Variants in CSMD1 observed in about 807,000 individuals in gnomAD.
CSMD1 encodes the protein CUB and Sushi multiple domains 1.
CSMD1 carries 213 observed loss-of-function variants against 417.5 expected under a neutral mutation model. The ratio of observed to expected loss-of-function variants is 0.51; its 90% CI spans 0.46 to 0.57. CSMD1 has a LOEUF of 0.57. Ranked by LOEUF, CSMD1 falls within the 20% of genes least tolerant of loss-of-function variation. The pLI is 0.00. For synonymous variants in CSMD1, 2,862 were observed against 1,736.8 expected, an observed-to-expected ratio of 1.65 and a Z score of -16.11; for missense variants, 6,923 against 4,529.7, an observed-to-expected ratio of 1.53 and a Z score of -15.17.
At chr8:3,712,781 G>T (rs1238362379) in intron 6 of CSMD1, among the ~76,000 whole-genome samples, 1 of 152,128 alleles carries the variant, frequency 6.6e-6, no homozygotes, top group Non-Finnish European at 1.5e-5. Flanking sequence ...TGTCTGTTGG[G>T]TAAGGTGATT....
intron 15 of CSMD1, among the ~76,000 whole-genome samples, chr8:3,403,623 G>A (rs1031336408): frequency 2.6e-5 from 4 of 152,162 alleles, no homozygotes; most frequent in African/African-American, 9.6e-5. Flanking sequence ...TATGGTAAAG[G>A]ACATAAGGCA....
chr8:4,230,188 TA>T (rs1315133212), intron 3 of CSMD1, among the ~76,000 whole-genome samples: 2 of 152,176 alleles, frequency 1.3e-5, no homozygotes, highest in African/African-American at 4.8e-5. Context: ...TGAGCCAAAT[TA>T]TCTTAAGATC....
chr8:3,520,394 A>G lies in CSMD1; in HGVS notation c.1345-26668T>C, dbSNP rs80112253. Among the ~76,000 whole-genome samples, 55 of 152,332 alleles carry G rather than the reference A, an allele frequency of 3.6e-4. 1 individual carries two copies. The East Asian group carries it at 0.01, about 28-fold the overall frequency. On this transcript the variant is annotated intron_variant, in intron 10 of 69. Transcript: ENST00000635120. ...CTCAAAAATAAACACTTCAACCATAAAAAGTATATCATCACATACAGCTAA... is the reference window on the plus strand; with the variant it reads ...CTCAAAAATAAACACTTCAACCATAGAAAGTATATCATCACATACAGCTAA...
At chr8:4,400,672 C>T (rs116106269) in intron 3 of CSMD1, among the ~76,000 whole-genome samples, 1,890 of 151,938 alleles carry the variant, frequency 0.012, 42 homozygotes, top group African/African-American at 0.041. Context: ...ATATTTTAGG[C>T]CGTTCAGGCT....
chr8:4,073,555 G>A (rs545092005), intron 3 of CSMD1, among the ~76,000 whole-genome samples: 38 of 152,094 alleles, frequency 2.5e-4, no homozygotes, highest in Non-Finnish European at 3.5e-4. Context: ...AAATAACCAT[G>A]CTATTAATCC....
chr8:3,602,744 C>T (rs9644344), intron 8 of CSMD1, among the ~76,000 whole-genome samples: 23,892 of 151,602 alleles, frequency 0.16, 2,110 homozygotes, highest in East Asian at 0.27. Flanking sequence ...CACACACACA[C>T]ACACAGAAAA....
intron 5 of CSMD1, among the ~76,000 whole-genome samples, chr8:3,869,601 G>T (rs895428324): frequency 6.6e-6 from 1 of 152,144 alleles, no homozygotes; most frequent in East Asian, 1.9e-4. Context: ...TAAATAGTGA[G>T]AGAAAACATG....
chr8:3,413,996 G>A lies in CSMD1; in HGVS notation c.1562-4391C>T, dbSNP rs181080698. ...TCTACTAAAAATACAAAAATTAGCC[G>A]GGAATGGTGGTGCACGCCTGGAATC... On this transcript the variant is annotated intron_variant, in intron 12 of 69. Transcript: ENST00000635120. Among the ~76,000 whole-genome samples the A allele has an allele frequency of 1.2e-4, 18 of 151,668 alleles. No homozygotes were observed. In the East Asian group the frequency reaches 1.4e-3, roughly 12 times the overall value.
intron 8 of CSMD1, among the ~76,000 whole-genome samples, chr8:3,606,849 T>G (rs1423814624): frequency 6.6e-6 from 1 of 152,006 alleles, no homozygotes; most frequent in Non-Finnish European, 1.5e-5. Flanking sequence ...AAGCTGGGAC[T>G]ACAGGCACCT....
chr8:4,316,634 G>A (rs1453461609), intron 3 of CSMD1, among the ~76,000 whole-genome samples: 1 of 152,004 alleles, frequency 6.6e-6, no homozygotes, highest in African/African-American at 2.4e-5. Flanking sequence ...GAAGGTGAAC[G>A]ACAATGGGGT....
chr8:4,453,385 C>G (rs1799268867), intron 2 of CSMD1, among the ~76,000 whole-genome samples: 1 of 152,182 alleles, frequency 6.6e-6, no homozygotes, highest in South Asian at 2.1e-4. Flanking sequence ...GGGCACAGAA[C>G]TTGGTGCTGA....
intron 1 of CSMD1, among the ~76,000 whole-genome samples, chr8:4,791,692 T>C (rs1313620093): frequency 6.6e-6 from 1 of 152,142 alleles, no homozygotes; most frequent in Non-Finnish European, 1.5e-5. Flanking sequence ...GAGGCCAGGA[T>C]CTGGTACCAT....
chr8:4,514,147 G>A (rs1377567195), intron 2 of CSMD1, among the ~76,000 whole-genome samples: 5 of 152,086 alleles, frequency 3.3e-5, no homozygotes, highest in Non-Finnish European at 7.4e-5. Flanking sequence ...GTGAGCTCCT[G>A]GTGAGAGCTC....
At chr8:4,021,630 T>A (rs1796793967) in intron 4 of CSMD1, among the ~76,000 whole-genome samples, 3 of 152,206 alleles carry the variant, frequency 2.0e-5, no homozygotes, top group African/African-American at 4.8e-5. Context: ...TAGCTGCTCT[T>A]TTTAAACTCT....
At chr8:4,078,872 C>A (rs1324342410) in intron 3 of CSMD1, among the ~76,000 whole-genome samples, 3 of 130,972 alleles carry the variant, frequency 2.3e-5, no homozygotes, top group East Asian at 2.2e-4. Context: ...CCTGTCTCTA[C>A]TAAAATTAAT....
intron 3 of CSMD1, among the ~76,000 whole-genome samples, chr8:4,124,754 A>T (rs887825700): frequency 1.3e-5 from 2 of 152,170 alleles, no homozygotes; most frequent in African/African-American, 4.8e-5. Flanking sequence ...AAACTAAGGG[A>T]CTGAAACTTC....
intron 1 of CSMD1, among the ~76,000 whole-genome samples, chr8:4,812,686 A>C (rs976557298): frequency 2.0e-5 from 3 of 152,206 alleles, no homozygotes; most frequent in African/African-American, 7.2e-5. Flanking sequence ...TAAGCAAATA[A>C]AATATGAAAG....
chr8:3,475,879 T>C lies in CSMD1; in HGVS notation c.1449-7055A>G, dbSNP rs547397970. Reference sequence around the variant, plus strand: ...GTAACTAAACTCTTTCCAATGCAAATGTGTCAGTGTTCTTGAAAGCTTAAT... The same window carrying C: ...GTAACTAAACTCTTTCCAATGCAAACGTGTCAGTGTTCTTGAAAGCTTAAT... On this transcript the variant is annotated intron_variant, in intron 11 of 69. Coordinates refer to ENST00000635120, the MANE Select transcript of CSMD1 (RefSeq NM_033225.6). Among the ~76,000 whole-genome samples, 12 of 152,352 alleles carry C rather than the reference T, an allele frequency of 7.9e-5. No homozygotes were observed. In the East Asian group the frequency reaches 2.1e-3, roughly 27 times the overall value.
At chr8:4,459,999 T>C (rs746531951) in intron 2 of CSMD1, among the ~76,000 whole-genome samples, 1 of 151,996 alleles carries the variant, frequency 6.6e-6, no homozygotes, top group Non-Finnish European at 1.5e-5. Context: ...ACAACCAAAA[T>C]AGTACTATAA....
Sources: gnomAD v4.1 joint callset for allele counts (sites outside exome capture counted in the v4.1 genomes callset) on GRCh38, gnomAD v4.1.1 for gene constraint, MANE v1.5 for transcripts, NCBI Gene and HGNC (gene_info 2026-07-23, HGNC 2026-07-21) for gene names.